KIF13B: variants seen among roughly 807,000 people sequenced by gnomAD.
KIF13B encodes the protein kinesin-like protein KIF13B.
A neutral mutation model predicts 222.0 loss-of-function variants in KIF13B; 127 were observed. The observed-to-expected ratio is 0.57, with a 90% CI of 0.50 to 0.66. The LOEUF is 0.66. KIF13B is among the 30% of genes least tolerant of loss of function. The probability of loss-of-function intolerance (pLI) is 0.00; values close to 1 mark genes in which losing one functional copy is unlikely to be tolerated. For synonymous variants in KIF13B, 976 were observed against 919.0 expected, an observed-to-expected ratio of 1.06 and a Z score of -1.12; for missense variants, 2,173 against 2,379.0, an observed-to-expected ratio of 0.91 and a Z score of 1.80.
intron 2 of KIF13B, among the ~76,000 whole-genome samples, chr8:29,209,885 C>CAAAAAAAAAAAAA: frequency 9.3e-6 from 1 of 107,510 alleles, no homozygotes; most frequent in Non-Finnish European, 1.8e-5. Context: ...TACCTCTCCA[C>CAAAAAAAAAAAAA]AAAAAAAAAA....
At chr8:29,150,546 T>C (rs1006142495) in intron 14 of KIF13B, among the ~76,000 whole-genome samples, 163 bp from the exon 15 acceptor site, 6 of 152,254 alleles carry the variant, frequency 3.9e-5, no homozygotes, top group Non-Finnish European at 8.8e-5. Flanking sequence ...CCTTTGCTGA[T>C]TCACCTAAAA....
chr8:29,155,957 G>A (rs576036943), intron 13 of KIF13B, 101 bp from the exon 14 acceptor site: 40 of 927,702 alleles, frequency 4.3e-5, no homozygotes, highest in South Asian at 4.0e-4. Flanking sequence ...TTACCTTTGC[G>A]AAAATTTTTT....
At chr8:29,085,531 T>G (rs968532603) in intron 37 of KIF13B, among the ~76,000 whole-genome samples, 2 of 151,738 alleles carry the variant, frequency 1.3e-5, no homozygotes, top group African/African-American at 4.8e-5. Flanking sequence ...CACACCCACA[T>G]ATTTTTTTTT....
chr8:29,142,097 C>A (rs1480346783), intron 19 of KIF13B, 60 bp downstream of exon 19: 10 of 1,411,628 alleles, frequency 7.1e-6, no homozygotes, highest in African/African-American at 1.4e-5. Context: ...TGGGTAGACT[C>A]ATTCCAGCTT....
intron 35 of KIF13B, among the ~76,000 whole-genome samples, chr8:29,107,749 ACGGGGTTTCAC>A (rs2133602859): frequency 6.6e-6 from 1 of 151,838 alleles, no homozygotes; most frequent in East Asian, 2.0e-4. Flanking sequence ...TTTAGTAGAG[ACGGGGTTTCAC>A]CGTGTTAGCC....
At chr8:29,226,745 A>G (rs1253203856) in intron 2 of KIF13B, among the ~76,000 whole-genome samples, 1 of 152,192 alleles carries the variant, frequency 6.6e-6, no homozygotes, top group East Asian at 1.9e-4. Context: ...TTTCACTTCC[A>G]TATTTTAAAT....
chr8:29,125,540 A>C (rs1349606073), intron 26 of KIF13B, among the ~76,000 whole-genome samples: 1 of 152,230 alleles, frequency 6.6e-6, no homozygotes, highest in Non-Finnish European at 1.5e-5. Flanking sequence ...CTCTGTATTT[A>C]ATCCTATCTG....
chr8:29,146,329 G>A (rs777779978), intron 18 of KIF13B, 49 bp downstream of exon 18: 11 of 1,586,526 alleles, frequency 6.9e-6, no homozygotes, highest in African/African-American at 1.3e-5. Flanking sequence ...AATATCAGGC[G>A]ATCTTATCCA....
chr8:29,249,965 T>C, intron 1 of KIF13B: 1 of 1,193,766 alleles, frequency 8.4e-7, no homozygotes. Context: ...TGCAACAAGT[T>C]TTCAAACATG....
At chr8:29,249,430 TAAAAAAAAAAAAA>T (rs770545452) in intron 1 of KIF13B, among the ~76,000 whole-genome samples, 3 of 118,776 alleles carry the variant, frequency 2.5e-5, no homozygotes, top group African/African-American at 6.1e-5. Flanking sequence ...ACTCCGTCTT[TAAAAAAAAAAAAA>T]AAAAAAAAAA....
In KIF13B at chr8:29,182,002, G is replaced by T. The variant is rs1265643989; in HGVS notation, c.502C>A (p.Arg168Ser). 1.9e-6 allele frequency: 3 copies of T among 1,612,348 alleles called. No individual in the cohort carries two copies. The change falls in exon 7 of 40, where the codon CGT (arginine) becomes AGT (serine). Residue 168 changes from arginine to serine, a missense_variant. This residue lies in a region of KIF13B where 1,480 missense variants were observed against 1,722.8 expected (regional missense o/e 0.86). Coordinates refer to ENST00000524189, the MANE Select transcript of KIF13B (RefSeq NM_015254.4). ...VRDLLDPKGS[R>S]QTLKVREHSV... ...TGCTCTCTGACTTTCAACGTCTGAC[G>T]GCTTCTGTTCATGAAAAACAAAGAA... is the stretch of plus-strand genomic sequence containing the variant.
intron 37 of KIF13B, among the ~76,000 whole-genome samples, chr8:29,087,431 A>T (rs956166304): frequency 2.0e-5 from 3 of 152,252 alleles, no homozygotes; most frequent in African/African-American, 7.2e-5. Flanking sequence ...TGGGAATGTT[A>T]AAACAACATC....
At chr8:29,125,441 A>C (rs1810065814) in intron 26 of KIF13B, among the ~76,000 whole-genome samples, 1 of 152,240 alleles carries the variant, frequency 6.6e-6, no homozygotes, top group African/African-American at 2.4e-5. Flanking sequence ...GCATCTACTT[A>C]AGTGAAATCA....
intron 2 of KIF13B, among the ~76,000 whole-genome samples, chr8:29,223,904 G>T (rs1237793368): frequency 6.6e-6 from 1 of 151,760 alleles, no homozygotes; most frequent in African/African-American, 2.4e-5. Context: ...TGTTAGCCAG[G>T]ATGGTCTCGA....
chr8:29,139,255 G>A (rs1810701781), intron 21 of KIF13B, among the ~76,000 whole-genome samples: 1 of 152,080 alleles, frequency 6.6e-6, no homozygotes, highest in South Asian at 2.1e-4. Context: ...CAGTAATAAG[G>A]ATAAATTTCC....
intron 23 of KIF13B, among the ~76,000 whole-genome samples, chr8:29,131,525 A>G (rs1156682112): frequency 1.3e-5 from 2 of 152,164 alleles, no homozygotes; most frequent in Admixed American, 6.5e-5. Context: ...AAAAAGAAAA[A>G]GAAAATCTGT....
intron 2 of KIF13B, among the ~76,000 whole-genome samples, chr8:29,215,467 C>T (rs912298112): frequency 2.6e-5 from 4 of 152,166 alleles, no homozygotes; most frequent in African/African-American, 9.7e-5. Flanking sequence ...GAGGGAGGAT[C>T]GCTTGAGCTC....
At chr8:29,200,525 C>T (rs554912856) in intron 2 of KIF13B, among the ~76,000 whole-genome samples, 4 of 152,276 alleles carry the variant, frequency 2.6e-5, no homozygotes, top group African/African-American at 9.6e-5. Context: ...ACAAAAAAAT[C>T]CTGTACACCC....
Position 29,070,545 on chromosome 8 carries a change from T to C in KIF13B, c.5440A>G (p.Ser1814Gly). The C allele has an allele frequency of 6.2e-7, 1 of 1,609,624 alleles. No homozygotes were observed. The highest frequency in any genetic ancestry group is 8.5e-7 in the Non-Finnish European group (1 of 1,178,540). Residue 1814 changes from serine (S) to glycine (G), a missense_variant, in exon 40 of 40, where the codon AGC becomes GGC. Coordinates refer to ENST00000524189, the MANE Select transcript of KIF13B (RefSeq NM_015254.4). The surrounding 1 kb of genome is among the most constrained non-coding windows in gnomAD (Gnocchi z 4.1). Reference sequence around the variant, plus strand: ...TTCCGGTTCTCAGGGTTCTTGTGGCTCCTGTCGGCCTTGGCCAGGGCAGCT... The same window carrying C: ...TTCCGGTTCTCAGGGTTCTTGTGGCCCCTGTCGGCCTTGGCCAGGGCAGCT... ...LTAALAKADR[S>G]HKNPENRKSW...
Sources: gnomAD v4.1 joint callset for allele counts (sites outside exome capture counted in the v4.1 genomes callset) on GRCh38, gnomAD v4.1.1 for gene constraint, gnomAD v4.1.1 regional missense constraint, Gnocchi (gnomAD v3.1) non-coding constraint, MANE v1.5 for transcripts, NCBI Gene and HGNC (gene_info 2026-07-23, HGNC 2026-07-21) for gene names.